Variants in NUMA1 observed in about 807,000 individuals in gnomAD.
NUMA1 encodes nuclear mitotic apparatus protein 1, also known as SP-H antigen.
In NUMA1, 62 loss-of-function variants were observed where a neutral mutation model predicts 237.1. The observed-to-expected ratio is 0.26, with a 90% CI of 0.21 to 0.32. The LOEUF is 0.32. NUMA1 is among the 10% of genes least tolerant of loss of function. The probability of loss-of-function intolerance (pLI) is 1.00; values close to 1 mark genes in which losing one functional copy is unlikely to be tolerated. For synonymous variants in NUMA1, 1,028 were observed against 1,066.1 expected, an observed-to-expected ratio of 0.96 and a Z score of 0.70; for missense variants, 2,533 against 2,666.5, an observed-to-expected ratio of 0.95 and a Z score of 1.10.
At chr11:72,022,534 G>A in intron 6 of NUMA1, 115 bp from the exon 7 acceptor site, 1 of 662,346 alleles carries the variant, frequency 1.5e-6, no homozygotes. Context: ...AAAAGTCCTG[G>A]AATTCAGCAA....
chr11:72,032,299 G>T (rs1354654668), intron 3 of NUMA1, among the ~76,000 whole-genome samples: 1 of 152,094 alleles, frequency 6.6e-6, no homozygotes, highest in Admixed American at 6.6e-5. Flanking sequence ...TTTGAAAAAA[G>T]CTCAATCTAA....
Position 72,061,485 on chromosome 11 carries a change from C to CT in NUMA1, c.-33+8356dup, listed in dbSNP as rs767581846. Among the ~76,000 whole-genome samples the CT allele has an allele frequency of 5.2e-3, 615 of 117,322 alleles. 11 individuals are homozygous for CT. Among genetic ancestry groups the CT allele is most frequent in the African/African-American group, 0.018 (563 of 31,068 alleles). The allele number at this position is 117,322 out of a possible 152,430, so 77.0% of individuals were successfully genotyped here. A position where few individuals can be genotyped will look rare whatever the true frequency, so the allele number is the denominator to read the frequency against. On this transcript the variant is annotated intron_variant, in intron 2 of 26. Transcript: ENST00000393695. ...ACTCTTCGTCTTCCTTGTTTCTTTT[C>CT]TTTTTTTTTTTTTTTTTTTTTTTGA...
At chr11:72,070,863 T>C (rs1943417048) in intron 1 of NUMA1, among the ~76,000 whole-genome samples, 1 of 152,238 alleles carries the variant, frequency 6.6e-6, no homozygotes, top group African/African-American at 2.4e-5. Context: ...AATTCAAATA[T>C]TTATGTAGTG....
rs59063134 is a variant in NUMA1, at chr11:72,059,972, TC to T, written c.-33+9869del. On this transcript the variant is annotated intron_variant, in intron 2 of 26. Transcript: ENST00000393695. ...ATCTTATTTCCAGAAAAGTTAAACA[TC>T]TCCTCACATATGCAACTGTTCATTC... Among the ~76,000 whole-genome samples, 1,441 of 152,314 alleles carry T rather than the reference TC, an allele frequency of 9.5e-3. 13 individuals carry two copies. Among genetic ancestry groups the T allele is most frequent in the African/African-American group, 0.033 (1,376 of 41,564 alleles).
intron 4 of NUMA1, chr11:72,024,607 C>A: frequency 2.0e-6 from 1 of 491,668 alleles, no homozygotes; most frequent in Non-Finnish European, 3.7e-6. Context: ...ACCCTATTTG[C>A]AAACATAAAA....
intron 3 of NUMA1, among the ~76,000 whole-genome samples, chr11:72,033,653 T>C (rs1940638153): frequency 6.6e-6 from 1 of 152,204 alleles, no homozygotes; most frequent in South Asian, 2.1e-4. Flanking sequence ...ATTACAGGTG[T>C]GAGCCACTGC....
At chr11:72,009,797 C>CT (rs2134704023) in intron 17 of NUMA1, among the ~76,000 whole-genome samples, 1 of 152,322 alleles carries the variant, frequency 6.6e-6, no homozygotes, top group East Asian at 1.9e-4. Flanking sequence ...CAAAGCCACT[C>CT]TGAGAAGTCA....
intron 23 of NUMA1, 80 bp from the exon 24 acceptor site, chr11:72,004,896 C>T (rs978061014): frequency 7.4e-7 from 1 of 1,354,388 alleles, no homozygotes; most frequent in African/African-American, 1.5e-5. Context: ...CAGAACTCTA[C>T]ACTCGCCCGA....
chr11:72,053,914 T>G (rs1942499153), intron 2 of NUMA1, among the ~76,000 whole-genome samples: 1 of 152,208 alleles, frequency 6.6e-6, no homozygotes, highest in African/African-American at 2.4e-5. Context: ...TTACATTGCA[T>G]TATATAAGTA....
At chr11:72,035,599 G>A (rs1230419572) in intron 3 of NUMA1, among the ~76,000 whole-genome samples, 1 of 151,694 alleles carries the variant, frequency 6.6e-6, no homozygotes, top group Non-Finnish European at 1.5e-5. Context: ...GTAGAGACGG[G>A]GGGGTTTCAC....
Position 72,014,911 on chromosome 11 carries a change from C to T in NUMA1, c.2592G>A (p.Glu864=), listed in dbSNP as rs753866394. The change falls in exon 15 of 27, where the codon GAG becomes GAA. Residue 864 remains glutamate, a synonymous_variant. Coordinates refer to ENST00000393695, the MANE Select transcript of NUMA1 (RefSeq NM_006185.4). This position sits in a 1 kb window ranked among gnomAD's most constrained non-coding sequence, Gnocchi z 4.6. ...EKVAGIESHS[E]LQISRQQNEL... ...CGTTCTGCTGCCGGCTTATCTGGAG[C>T]TCGCTGTGGGATTCTATGCCTGCCA... 9 of 1,614,208 alleles carry T rather than the reference C, an allele frequency of 5.6e-6. No individual in the cohort carries two copies. The East Asian group carries it at 1.8e-4, about 32-fold the overall frequency.
intron 13 of NUMA1, 190 bp downstream of exon 13, chr11:72,017,497 G>A (rs74726492): frequency 8.5e-5 from 41 of 481,902 alleles, no homozygotes; most frequent in South Asian, 9.3e-5. Context: ...ATTGACTGGG[G>A]AAAAAAAAAA....
At chr11:72,077,611 G>T (rs192782510) in intron 1 of NUMA1, among the ~76,000 whole-genome samples, 2 of 152,062 alleles carry the variant, frequency 1.3e-5, no homozygotes, top group African/African-American at 4.8e-5. Flanking sequence ...TCAGGGGATC[G>T]AGACCATCAT....
chr11:72,037,864 T>C (rs1376990850), intron 2 of NUMA1, among the ~76,000 whole-genome samples: 1 of 152,126 alleles, frequency 6.6e-6, no homozygotes, highest in Admixed American at 6.6e-5. Context: ...ATAATTATCA[T>C]CAAGTATACC....
At chr11:72,010,989 C>T in intron 16 of NUMA1, 135 bp from the exon 17 acceptor site, 1 of 785,088 alleles carries the variant, frequency 1.3e-6, no homozygotes, top group Non-Finnish European at 2.1e-6. Context: ...CTTTCTCTGG[C>T]CTCCAATTAC....
intron 2 of NUMA1, among the ~76,000 whole-genome samples, chr11:72,040,445 T>TACATACACACAC (rs1941528300): frequency 7.3e-6 from 1 of 136,468 alleles, no homozygotes; most frequent in African/African-American, 2.8e-5. Flanking sequence ...CGCGTACACA[T>TACATACACACAC]ACACACACAC....
In NUMA1 at chr11:72,016,096, A is replaced by G. The variant is rs149147440; in HGVS notation, c.1407T>C (p.Thr469=). 6.2e-7 allele frequency: 1 copy of G among 1,614,166 alleles called. No homozygotes were observed. The highest frequency in any genetic ancestry group is 8.5e-7 in the Non-Finnish European group (1 of 1,180,032). Residue 469 remains threonine, a synonymous_variant, in exon 15 of 27, where the codon ACT becomes ACC. Coordinates refer to ENST00000393695, the MANE Select transcript of NUMA1 (RefSeq NM_006185.4). ...GGTTGGAGATGGAGCTCTGCAGGTC[A>G]GTGATCAGGCTAGACAGCTGCTGCT... ...EEKQQLSSLI[T]DLQSSISNLS... is the part of the protein sequence containing the mutation.
chr11:72,026,752 A>G (rs1231168463), intron 4 of NUMA1, among the ~76,000 whole-genome samples: 1 of 152,162 alleles, frequency 6.6e-6, no homozygotes, highest in Non-Finnish European at 1.5e-5. Context: ...CAACCTTGCC[A>G]TCCTCTGCTG....
chr11:72,042,074 T>G (rs1941712527), intron 2 of NUMA1: 1 of 152,356 alleles, frequency 6.6e-6, no homozygotes, highest in Non-Finnish European at 1.5e-5. Flanking sequence ...AGGCACTGGC[T>G]GCAGCCCTTA....
Sources: allele counts gnomAD v4.1 joint callset (sites outside exome capture counted in the v4.1 genomes callset), GRCh38; gene constraint gnomAD v4.1.1; non-coding constraint Gnocchi (gnomAD v3.1); transcripts MANE v1.5; gene names NCBI Gene and HGNC (gene_info 2026-07-23, HGNC 2026-07-21).